The following FAM193B variants were observed in gnomAD, a reference collection of about 807,000 sequenced individuals.
The protein encoded by FAM193B is family with sequence similarity 193 member B, also known as protein FAM193B.
Under a neutral mutation model 70.7 loss-of-function variants are expected in FAM193B, and 27 were observed. The observed-to-expected ratio is 0.38, with a 90% CI of 0.28 to 0.53. The LOEUF is 0.53. Ranked by LOEUF, FAM193B falls within the 20% of genes least tolerant of loss-of-function variation. The pLI, the probability that FAM193B is intolerant of heterozygous loss-of-function variation, is 0.81. For missense variants in FAM193B, 1,022 were observed against 1,072.5 expected (o/e 0.95, Z 0.66); for synonymous variants, 448 against 436.0 (o/e 1.03, Z -0.34).
intron 4 of FAM193B, among the ~76,000 whole-genome samples, chr5:177,534,781 C>A (rs1398067688): frequency 1.3e-5 from 2 of 152,148 alleles, no homozygotes; most frequent in African/African-American, 4.8e-5. Flanking sequence ...TTATGCCCCA[C>A]TAGTTTTTAA....
At chr5:177,528,641 A>G (rs1762990048) in intron 5 of FAM193B, among the ~76,000 whole-genome samples, 1 of 152,258 alleles carries the variant, frequency 6.6e-6, no homozygotes. Context: ...ATCCCTGTAT[A>G]ATGGCTTTTT....
Position 177,524,520 on chromosome 5 carries a change from CG to C in FAM193B, c.1960del (p.Arg654GlyfsTer6). On this transcript the variant is annotated frameshift_variant, in exon 6 of 9. Coordinates refer to ENST00000514747, the MANE Select transcript of FAM193B (RefSeq NM_001190946.3). LOFTEE classifies it high-confidence loss of function. ...AKKSEASPAP[R>X]PPASLEVPSA... ...GGGAACCTCTAGGCTGGCTGGGGGC[CG>C]GGGGGCTGGGCTTGCCTCGCTCTTC... The C allele has an allele frequency of 6.2e-7, 1 of 1,612,404 alleles. No individual in the cohort carries two copies. The highest frequency in any genetic ancestry group is 8.5e-7 in the Non-Finnish European group (1 of 1,179,532).
chr5:177,524,065 C>T, intron 6 of FAM193B, 33 bp from the exon 7 acceptor site: 1 of 1,613,860 alleles, frequency 6.2e-7, no homozygotes, highest in Non-Finnish European at 8.5e-7. Flanking sequence ...GCTCAGTGCC[C>T]ATGGCCAGGC....
Position 177,538,572 on chromosome 5 carries a change from C to T in FAM193B, c.453+333G>A, listed in dbSNP as rs1012292524. Reference sequence around the variant, plus strand: ...CTAACTAGGGCACATTTCAGACCCTCAAACTCATCTCTGTCTCCCATGTCA... The same window carrying T: ...CTAACTAGGGCACATTTCAGACCCTTAAACTCATCTCTGTCTCCCATGTCA... On this transcript the variant is annotated intron_variant, in intron 2 of 8. Transcript: ENST00000514747. The surrounding 1 kb of genome is among the most constrained non-coding windows in gnomAD (Gnocchi z 4.1). Among the ~76,000 whole-genome samples the T allele has an allele frequency of 1.3e-5, 2 of 152,210 alleles. No homozygotes were observed. Among genetic ancestry groups the T allele is most frequent in the Non-Finnish European group, 2.9e-5 (2 of 68,028 alleles).
chr5:177,553,621 G>C, intron 1 of FAM193B: 3 of 1,231,898 alleles, frequency 2.4e-6, no homozygotes, highest in Non-Finnish European at 3.1e-6. Flanking sequence ...TCAAGGTCGG[G>C]GTGGGCTGCC....
chr5:177,554,137 C>A, intron 1 of FAM193B, 112 bp downstream of exon 1: 1 of 1,429,856 alleles, frequency 7.0e-7, no homozygotes, highest in South Asian at 1.3e-5. Flanking sequence ...CGGGGGAAGG[C>A]TGCTACCCCA....
rs749101771 is a variant in FAM193B at position 177,524,521 on chromosome 5, G to A, written c.1960C>T (p.Arg654Trp). Residue 654 changes from arginine to tryptophan, a missense_variant, in exon 6 of 9, where the codon CGG becomes TGG. Arg to Trp is a moderately radical substitution (Grantham distance 101, BLOSUM62 -3). Transcript: ENST00000514747. Reference protein sequence around the residue: ...AKKSEASPAPRPPASLEVPSA... With the variant: ...AKKSEASPAPWPPASLEVPSA... ...GGAACCTCTAGGCTGGCTGGGGGCC[G>A]GGGGGCTGGGCTTGCCTCGCTCTTC... 2.0e-5 allele frequency: 32 copies of A among 1,611,574 alleles called. No homozygotes were observed. Among genetic ancestry groups the A allele is most frequent in the African/African-American group, 4.0e-5 (3 of 74,880 alleles).
chr5:177,549,192 T>C lies in FAM193B; in HGVS notation c.210+5057A>G, dbSNP rs370304615. On this transcript the variant is annotated intron_variant, in intron 1 of 8. Coordinates refer to ENST00000514747, the MANE Select transcript of FAM193B (RefSeq NM_001190946.3). ...GTAAGACTGGATTGTCTTTTCTTTT[T>C]TTTTTTTTTTTTTTTTTGAGAAAGG... is the stretch of plus-strand genomic sequence containing the variant. 7.5e-3 allele frequency among the ~76,000 whole-genome samples: 1,068 copies of C among 142,706 alleles called. 12 individuals carry two copies. The highest frequency in any genetic ancestry group is 0.027 in the African/African-American group (1,006 of 36,904). The allele number at this position is 142,706 out of a possible 152,430, so 93.6% of individuals were successfully genotyped here.
intron 1 of FAM193B, among the ~76,000 whole-genome samples, chr5:177,541,054 G>A (rs1764791258): frequency 6.6e-6 from 1 of 152,088 alleles, no homozygotes; most frequent in Non-Finnish European, 1.5e-5. Context: ...GAAGTACAAG[G>A]AACTTAGAAA....
chr5:177,530,246 A>G (rs1303976982), intron 5 of FAM193B, among the ~76,000 whole-genome samples: 3 of 152,172 alleles, frequency 2.0e-5, no homozygotes, highest in Non-Finnish European at 1.5e-5. Flanking sequence ...CCTGGCTTCA[A>G]TTACATCTCT....
chr5:177,552,204 G>A (rs1470689289), intron 1 of FAM193B: 1 of 311,604 alleles, frequency 3.2e-6, no homozygotes, highest in Non-Finnish European at 4.7e-6. Context: ...AGGCACAGGG[G>A]TACAATGGTG....
chr5:177,544,859 G>A (rs1302797108), intron 1 of FAM193B, among the ~76,000 whole-genome samples: 1 of 152,160 alleles, frequency 6.6e-6, no homozygotes, highest in Admixed American at 6.5e-5. Flanking sequence ...GAAATTATTT[G>A]GAAAGGCTAC....
intron 4 of FAM193B, 196 bp downstream of exon 4, chr5:177,536,162 C>T: frequency 1.6e-6 from 1 of 611,926 alleles, no homozygotes; most frequent in Admixed American, 3.5e-5. Flanking sequence ...ATCTTCCTGC[C>T]TAGGACTCCC....
chr5:177,547,262 G>GACTTGCCCAAACCA, intron 1 of FAM193B: 1 of 146,318 alleles, frequency 6.8e-6, no homozygotes, highest in Admixed American at 6.9e-5. Flanking sequence ...TACTAAGTGA[G>GACTTGCCCAAACCA]ACTTGCCCAA....
At position 177,525,141 on chromosome 5, in the gene FAM193B, C is replaced by T. The variant is rs571256081; in HGVS notation, c.1340G>A (p.Arg447Gln). The change falls in exon 6 of 9, where the codon CGG (arginine) becomes CAG (glutamine). Residue 447 changes from arginine (R) to glutamine (Q), a missense_variant. Transcript: ENST00000514747. ...CCTCTCCCTGGCAGGCCTTGGCTCC[C>T]GGCTTCCAGAAACACGATTTGCCTG... ...LKQANRVSGS[R>Q]EPRPARERLL... 8.4e-5 allele frequency: 129 copies of T among 1,533,060 alleles called. No homozygotes were observed. The highest frequency in any genetic ancestry group is 8.8e-5 in the Non-Finnish European group (100 of 1,141,774). 95.0% of individuals were successfully genotyped at this position (1,533,060 alleles called of 1,614,324 possible).
chr5:177,524,266 C>T lies in FAM193B; in HGVS notation c.2215G>A (p.Ala739Thr). The T allele has an allele frequency of 6.4e-7, 1 of 1,568,966 alleles. No individual in the cohort carries two copies. Among genetic ancestry groups the T allele is most frequent in the Admixed American group, 1.9e-5 (1 of 53,210 alleles). Reference protein sequence around the residue: ...EQESVQPSGPARPQSLPQGKG... With the variant: ...EQESVQPSGPTRPQSLPQGKG... ...CCCTGGGGCAAGCTCTGTGGCCTTG[C>T]TGGGCCTGAGGGCTGCACAGACTCC... Residue 739 changes from alanine (A) to threonine (T), a missense_variant, in exon 6 of 9, where the codon GCA becomes ACA. Physicochemically the swap from Ala to Thr is moderately conservative, Grantham distance 58. Coordinates refer to ENST00000514747, the MANE Select transcript of FAM193B (RefSeq NM_001190946.3).
Position 177,536,695 on chromosome 5 carries a change from G to T in FAM193B, c.739C>A (p.Pro247Thr), listed in dbSNP as rs866461187. 2 of 1,559,154 alleles carry T rather than the reference G, an allele frequency of 1.3e-6. No homozygotes were observed. Among genetic ancestry groups the T allele is most frequent in the Admixed American group, 4.0e-5 (2 of 50,322 alleles). ...TGGTGGCCGGTGGGGCTGTTAGGGG[G>T]AGCAGTGAGGTCTGAGTGCTGGTGG... ...EHHQHSDLTA[P>T]PNSPTGHHPQ... Residue 247 changes from proline to threonine, a missense_variant, in exon 4 of 9, where the codon CCC becomes ACC. Pro to Thr is a conservative substitution (Grantham distance 38). Coordinates refer to ENST00000514747, the MANE Select transcript of FAM193B (RefSeq NM_001190946.3).
intron 5 of FAM193B, among the ~76,000 whole-genome samples, chr5:177,530,491 CTT>C (rs1763285271): frequency 1.3e-5 from 2 of 152,220 alleles, no homozygotes; most frequent in Admixed American, 1.3e-4. Context: ...AAATCCCTCT[CTT>C]CTTCTCTGGC....
In FAM193B at chr5:177,538,682, G is replaced by A. The variant is rs1050473468; in HGVS notation, c.453+223C>T. 1.3e-5 allele frequency among the ~76,000 whole-genome samples: 2 copies of A among 152,174 alleles called. No homozygotes were observed. Among genetic ancestry groups the A allele is most frequent in the African/African-American group, 2.4e-5 (1 of 41,444 alleles). ...ACCTATGAGTGGGCCCTCATCCTGTGCACAGACCACCCTGAGGGACTGACC... is the reference window on the plus strand; with the variant it reads ...ACCTATGAGTGGGCCCTCATCCTGTACACAGACCACCCTGAGGGACTGACC... On this transcript the variant is annotated intron_variant, in intron 2 of 8. Transcript: ENST00000514747. The surrounding 1 kb of genome is among the most constrained non-coding windows in gnomAD (Gnocchi z 4.1).
Sources: allele counts gnomAD v4.1 joint callset (sites outside exome capture counted in the v4.1 genomes callset), GRCh38; gene constraint gnomAD v4.1.1; non-coding constraint Gnocchi (gnomAD v3.1); transcripts MANE v1.5; gene names NCBI Gene and HGNC (gene_info 2026-07-23, HGNC 2026-07-21).